Variants in EFL1 observed in about 807,000 individuals in gnomAD.
EFL1 encodes elongation factor-like GTPase 1.
Under a neutral mutation model 126.7 loss-of-function variants are expected in EFL1, and 76 were observed. The ratio of observed to expected loss-of-function variants is 0.60; its 90% CI spans 0.50 to 0.73. EFL1 has a LOEUF of 0.73. Ranked by LOEUF, EFL1 falls within the 30% of genes least tolerant of loss-of-function variation. The probability of loss-of-function intolerance (pLI) is 0.00; values close to 1 mark genes in which losing one functional copy is unlikely to be tolerated. For missense variants in EFL1, 1,128 were observed against 1,343.2 expected (o/e 0.84, Z 2.50); for synonymous variants, 410 against 448.4 (o/e 0.91, Z 1.08).
intron 7 of EFL1, among the ~76,000 whole-genome samples, chr15:82,231,431 G>A (rs900026811): frequency 1.3e-5 from 2 of 151,952 alleles, no homozygotes; most frequent in African/African-American, 4.8e-5. Flanking sequence ...TAGATTAATG[G>A]TAAACATACA....
At chr15:82,237,746 G>GA (rs201310269) in intron 7 of EFL1, among the ~76,000 whole-genome samples, 42,804 of 136,994 alleles carry the variant, frequency 0.31, 6,507 homozygotes, top group Non-Finnish European at 0.34. Context: ...GCCCAAAAAG[G>GA]AAAAAAAAAA....
chr15:82,185,377 A>G (rs2074293620), intron 15 of EFL1, among the ~76,000 whole-genome samples: 2 of 152,206 alleles, frequency 1.3e-5, no homozygotes, highest in African/African-American at 4.8e-5. Flanking sequence ...ATTAAAATGC[A>G]TATCTTCATA....
At chr15:82,160,733 C>T (rs1339469255) in intron 16 of EFL1, among the ~76,000 whole-genome samples, 1 of 152,080 alleles carries the variant, frequency 6.6e-6, no homozygotes, top group Non-Finnish European at 1.5e-5. Flanking sequence ...CTTGGATTCC[C>T]ACAAGTGAAG....
chr15:82,229,007 C>G (rs1490092263), intron 9 of EFL1, 27 bp downstream of exon 9: 2 of 1,576,264 alleles, frequency 1.3e-6, no homozygotes, highest in Non-Finnish European at 1.7e-6. Context: ...CCTAAAGATG[C>G]CTAAAGGTAA....
intron 14 of EFL1, among the ~76,000 whole-genome samples, chr15:82,216,197 C>G (rs2074644605): frequency 6.6e-6 from 1 of 152,010 alleles, no homozygotes; most frequent in Admixed American, 6.5e-5. Context: ...ATAAATAAAA[C>G]TATAAAACTT....
chr15:82,191,980 CTAT>C (rs1422163845), intron 15 of EFL1, among the ~76,000 whole-genome samples: 2 of 151,948 alleles, frequency 1.3e-5, no homozygotes, highest in East Asian at 3.9e-4. Context: ...ATAATATCTG[CTAT>C]TATATCTCGT....
intron 15 of EFL1, among the ~76,000 whole-genome samples, chr15:82,198,873 T>C (rs952753448): frequency 1.3e-5 from 2 of 152,162 alleles, no homozygotes; most frequent in East Asian, 1.9e-4. Context: ...TACAAATAAT[T>C]TGGAAGACTA....
At chr15:82,148,374 T>A (rs1180166970) in intron 18 of EFL1, among the ~76,000 whole-genome samples, 1 of 117,216 alleles carries the variant, frequency 8.5e-6, no homozygotes, top group Non-Finnish European at 1.7e-5. Flanking sequence ...TGAGAATCCA[T>A]CTCAAAAAAA....
At chr15:82,156,970 T>A (rs2073974964) in intron 17 of EFL1, among the ~76,000 whole-genome samples, 1 of 152,232 alleles carries the variant, frequency 6.6e-6, no homozygotes, top group African/African-American at 2.4e-5. Context: ...AGTTATAATG[T>A]AAATTAGAAC....
At chr15:82,174,961 T>A (rs2074179057) in intron 15 of EFL1, among the ~76,000 whole-genome samples, 1 of 152,252 alleles carries the variant, frequency 6.6e-6, no homozygotes, top group South Asian at 2.1e-4. Flanking sequence ...TCTGAACAGT[T>A]GCTGAAAGAA....
chr15:82,155,433 C>T (rs546062055), intron 17 of EFL1, among the ~76,000 whole-genome samples: 99 of 152,218 alleles, frequency 6.5e-4, no homozygotes, highest in African/African-American at 2.0e-3. Flanking sequence ...GCCCAGGAAG[C>T]GGAGGTTGTA....
chr15:82,197,230 T>TA (rs911546963), intron 15 of EFL1, among the ~76,000 whole-genome samples: 4 of 151,892 alleles, frequency 2.6e-5, no homozygotes, highest in South Asian at 2.1e-4. Flanking sequence ...TGTTTAGAGC[T>TA]AAAAAAAATG....
chr15:82,220,009 A>T (rs1220857845), intron 13 of EFL1, 69 bp downstream of exon 13: 1 of 1,522,780 alleles, frequency 6.6e-7, no homozygotes, highest in East Asian at 2.3e-5. Context: ...CAAGAACTAA[A>T]GGATGAGTGT....
intron 17 of EFL1, 153 bp downstream of exon 17, chr15:82,157,560 T>G: frequency 1.1e-6 from 1 of 900,006 alleles, no homozygotes; most frequent in Non-Finnish European, 1.6e-6. Flanking sequence ...AAAAAATAAG[T>G]CTACAATCGA....
chr15:82,215,121 T>C (rs1307481424), intron 14 of EFL1, among the ~76,000 whole-genome samples: 3 of 152,250 alleles, frequency 2.0e-5, no homozygotes, highest in Non-Finnish European at 4.4e-5. Flanking sequence ...AATTCTGTTG[T>C]GACCTGGTAT....
intron 4 of EFL1, 82 bp from the exon 5 acceptor site, chr15:82,241,485 T>G: frequency 6.8e-7 from 1 of 1,480,286 alleles, no homozygotes. Flanking sequence ...ATAAGAAAGC[T>G]GAAAGCTTCT....
At chr15:82,149,102 G>T (rs897232114) in intron 18 of EFL1, among the ~76,000 whole-genome samples, 3 of 151,766 alleles carry the variant, frequency 2.0e-5, no homozygotes, top group African/African-American at 7.3e-5. Context: ...AAGGACACAT[G>T]AAAAAAATGA....
chr15:82,160,648 A>AT (rs113387733), intron 16 of EFL1, among the ~76,000 whole-genome samples: 1 of 152,226 alleles, frequency 6.6e-6, no homozygotes, highest in South Asian at 2.1e-4. Context: ...GGTATCAAAA[A>AT]TTTTTTTTAA....
intron 15 of EFL1, among the ~76,000 whole-genome samples, chr15:82,208,461 G>GGCTACC (rs1682077842): frequency 6.6e-6 from 1 of 152,082 alleles, no homozygotes; most frequent in African/African-American, 2.4e-5. Context: ...TGTACCTAGT[G>GGCTACC]GCTACCAAAT....
Sources: gnomAD v4.1 joint callset for allele counts (sites outside exome capture counted in the v4.1 genomes callset) on GRCh38, gnomAD v4.1.1 for gene constraint, MANE v1.5 for transcripts, NCBI Gene and HGNC (gene_info 2026-07-23, HGNC 2026-07-21) for gene names.